Variants in GANAB observed in about 807,000 individuals in gnomAD.
GANAB encodes the protein neutral alpha-glucosidase AB.
GANAB carries 35 observed loss-of-function variants against 129.9 expected under a neutral mutation model. The observed-to-expected ratio is 0.27, with a 90% CI of 0.21 to 0.36. GANAB has a LOEUF of 0.36. GANAB is among the 10% of genes least tolerant of loss of function. The probability of loss-of-function intolerance (pLI) is 1.00; values close to 1 mark genes in which losing one functional copy is unlikely to be tolerated. For missense variants in GANAB, 939 were observed against 1,221.0 expected (o/e 0.77, Z 3.44); for synonymous variants, 482 against 451.8 (o/e 1.07, Z -0.85).
At chr11:62,634,693 A>C in intron 5 of GANAB, 128 bp downstream of exon 5, 1 of 778,552 alleles carries the variant, frequency 1.3e-6, no homozygotes, top group South Asian at 1.7e-5. Context: ...CCTCCCTGAC[A>C]GAGAGCTTCT....
chr11:62,639,765 C>T (rs1431929547), intron 1 of GANAB, 34 bp from the exon 2 acceptor site: 2 of 1,462,198 alleles, frequency 1.4e-6, no homozygotes, highest in Non-Finnish European at 1.9e-6. Flanking sequence ...GAGCAATCAG[C>T]ATGGAGGTCA....
chr11:62,643,015 G>A (rs546303767), intron 1 of GANAB, among the ~76,000 whole-genome samples: 47 of 152,242 alleles, frequency 3.1e-4, no homozygotes, highest in African/African-American at 1.1e-3. Flanking sequence ...ATCACTAGCA[G>A]GATGAAATGG....
rs1466017025 is a variant in GANAB, at chr11:62,633,270, G to A, written c.632C>T (p.Pro211Leu). Residue 211 changes from proline to leucine, a missense_variant and splice_region_variant, in exon 7 of 24, where the codon CCA becomes CTA. Transcript: ENST00000356638. Reference protein sequence around the residue: ...PEETPRDGDKPEETQGKAEKD... With the variant: ...PEETPRDGDKLEETQGKAEKD... ...CTCTGCCTTCCCCTGAGTCTCCTCTGGCTGTTAAGAAGAAAAGAGGACCAC... is the reference window on the plus strand; with the variant it reads ...CTCTGCCTTCCCCTGAGTCTCCTCTAGCTGTTAAGAAGAAAAGAGGACCAC... 3 of 1,612,158 alleles carry A rather than the reference G, an allele frequency of 1.9e-6. No individual in the cohort carries two copies. In the East Asian group the frequency reaches 6.7e-5, roughly 36 times the overall value.
At position 62,626,336 on chromosome 11, in the gene GANAB, T is replaced by A. The variant is rs1280119456; in HGVS notation, c.2623A>T (p.Ser875Cys). The A allele has an allele frequency of 6.3e-7, 1 of 1,598,230 alleles. No homozygotes were observed. Among genetic ancestry groups the A allele is most frequent in the East Asian group, 2.2e-5 (1 of 44,798 alleles). ...AAGGAAGAGTGGGTGACCCATTACC[T>A]GGAGACAAGGGTGTTGCCAGAGAAT... The part of the protein sequence containing the change: ...FSFSGNTLVS[S>C]SADPEGHFET... The change falls in exon 22 of 24, where the codon AGC (serine) becomes TGC (cysteine). Residue 875 changes from serine (S) to cysteine (C), a missense_variant and splice_region_variant. By Grantham distance (112) the Ser-to-Cys change is moderately radical. This residue lies in a region of GANAB where 230 missense variants were observed against 259.9 expected (regional missense o/e 0.89). Coordinates refer to ENST00000356638, the MANE Select transcript of GANAB (RefSeq NM_198334.3).
In GANAB at chr11:62,636,537, C is replaced by A. The variant is rs543187223; in HGVS notation, c.381-1537G>T. On this transcript the variant is annotated intron_variant, in intron 4 of 23. Coordinates refer to ENST00000356638, the MANE Select transcript of GANAB (RefSeq NM_198334.3). ...AGAAAATTAAAAAATATATTTTTGG[C>A]CAGGCATGGTGGCTCATTCCTGTAA... Among the ~76,000 whole-genome samples the A allele has an allele frequency of 8.6e-5, 13 of 151,458 alleles. No homozygotes were observed. In the South Asian group the frequency reaches 1.3e-3, roughly 15 times the overall value.
chr11:62,638,458 G>A (rs1456055139), intron 4 of GANAB, among the ~76,000 whole-genome samples: 4 of 151,988 alleles, frequency 2.6e-5, no homozygotes, highest in Non-Finnish European at 5.9e-5. Flanking sequence ...CGGCCACTAT[G>A]TTATTTTCTG....
chr11:62,625,719 G>C lies in GANAB; in HGVS notation c.*96C>G. ...ATCTGGGTCTTAGACTAGCATAAGT[G>C]AAGTCTGGGGAGGGCCGAACTCCAA... On this transcript the variant is annotated 3_prime_UTR_variant, in exon 24 of 24. Coordinates refer to ENST00000356638, the MANE Select transcript of GANAB (RefSeq NM_198334.3). 1.3e-6 allele frequency: 1 copy of C among 788,926 alleles called. No individual in the cohort carries two copies. Among genetic ancestry groups the C allele is most frequent in the Admixed American group, 2.0e-5 (1 of 50,054 alleles). 48.9% of individuals were successfully genotyped at this position (788,926 alleles called of 1,614,324 possible). A position where few individuals can be genotyped will look rare whatever the true frequency, so the allele number is the denominator to read the frequency against.
chr11:62,630,308 C>T (rs377090933), intron 12 of GANAB, 32 bp from the exon 13 acceptor site: 4 of 1,613,006 alleles, frequency 2.5e-6, no homozygotes, highest in East Asian at 4.5e-5. Context: ...TCTCAATCCC[C>T]TAAGGGGCAA....
chr11:62,626,945 CAA>C lies in GANAB; in HGVS notation c.2323-13_2323-12del, dbSNP rs1943412222. 3 of 1,606,846 alleles carry C rather than the reference CAA, an allele frequency of 1.9e-6. No individual in the cohort carries two copies. Among genetic ancestry groups the C allele is most frequent in the African/African-American group, 1.3e-5 (1 of 74,752 alleles). ...AATGTCATACCACACCTGTGAGTGA[CAA>C]AAGAGGTAAGATACCGGATCACTCA... On this transcript the variant is annotated splice_polypyrimidine_tract_variant and intron_variant, in intron 19 of 23. Coordinates refer to ENST00000356638, the MANE Select transcript of GANAB (RefSeq NM_198334.3).
Position 62,627,203 on chromosome 11 carries a change from C to A in GANAB, c.2246-79G>T, listed in dbSNP as rs923427983. On this transcript the variant is annotated intron_variant, in intron 18 of 23. Transcript: ENST00000356638. ...AACACCAAAGTGCCTGCCCTCTGCA[C>A]CACCAGCTTCACTAGTCCCTCCCTG... 4.9e-6 allele frequency: 7 copies of A among 1,420,944 alleles called. No individual in the cohort carries two copies. The East Asian group carries it at 6.8e-5, about 14-fold the overall frequency. 88.0% of individuals were successfully genotyped at this position (1,420,944 alleles called of 1,614,324 possible).
Position 62,625,637 on chromosome 11 carries a change from A to C in GANAB, c.*178T>G. On this transcript the variant is annotated 3_prime_UTR_variant, in exon 24 of 24. Transcript: ENST00000356638. ...ATGGAGTGGGAGAGGTGAGGAGATCACAAGAGGAATTTGGAGCCCAGGGTC... is the reference window on the plus strand; with the variant it reads ...ATGGAGTGGGAGAGGTGAGGAGATCCCAAGAGGAATTTGGAGCCCAGGGTC... 1 of 608,018 alleles carries C rather than the reference A, an allele frequency of 1.6e-6. No individual in the cohort carries two copies. Among genetic ancestry groups the C allele is most frequent in the Non-Finnish European group, 3.0e-6 (1 of 338,744 alleles). The allele number at this position is 608,018 out of a possible 1,614,324, so 37.7% of individuals were successfully genotyped here.
At chr11:62,627,888 T>C (rs1201805651) in intron 17 of GANAB, among the ~76,000 whole-genome samples, 1 of 152,256 alleles carries the variant, frequency 6.6e-6, no homozygotes, top group Non-Finnish European at 1.5e-5. Context: ...TGCCCTCTAC[T>C]GAAACCATGC....
chr11:62,631,192 G>A lies in GANAB; in HGVS notation c.997-9C>T, dbSNP rs201291409. On this transcript the variant is annotated splice_polypyrimidine_tract_variant and intron_variant, in intron 9 of 23. Transcript: ENST00000356638. Reference sequence around the variant, plus strand: ...ATCTTCCCAAACAGGGTCTGTATAGGTGACCACAAAGGGGTCAGACACCTC... The same window carrying A: ...ATCTTCCCAAACAGGGTCTGTATAGATGACCACAAAGGGGTCAGACACCTC... The A allele has an allele frequency of 6.4e-7, 1 of 1,564,058 alleles. No homozygotes were observed. The highest frequency in any genetic ancestry group is 1.8e-5 in the Admixed American group (1 of 55,098).
chr11:62,636,239 C>T (rs1196071161), intron 4 of GANAB, among the ~76,000 whole-genome samples: 1 of 152,042 alleles, frequency 6.6e-6, no homozygotes, highest in Admixed American at 6.6e-5. Flanking sequence ...GATCTGTCCG[C>T]CTTGGCCTCT....
chr11:62,630,168 C>G, intron 13 of GANAB, 29 bp downstream of exon 13: 1 of 1,534,050 alleles, frequency 6.5e-7, no homozygotes, highest in South Asian at 1.1e-5. Flanking sequence ...AACAGACAGA[C>G]GCAGGTCATG....
rs752910014 is a variant in GANAB at position 62,629,955 on chromosome 11, G to A, written c.1596C>T (p.Gly532=). 1 of 1,614,058 alleles carries A rather than the reference G, an allele frequency of 6.2e-7. No homozygotes were observed. The highest frequency in any genetic ancestry group is 1.7e-5 in the Admixed American group (1 of 60,020). Residue 532 remains glycine (G), a splice_region_variant and synonymous_variant, in exon 14 of 24, where the codon GGC becomes GGT. Transcript: ENST00000356638. ...TCCAGACAAAGAGGTTGGGAGCTGA[G>A]CCCTGGGAACGTGGGCAGAAAATGG... The part of the protein sequence containing the change: ...ANMFSYDNYE[G]SAPNLFVWND...
chr11:62,633,407 C>T, intron 6 of GANAB, 38 bp downstream of exon 6: 1 of 1,604,480 alleles, frequency 6.2e-7, no homozygotes, highest in South Asian at 1.1e-5. Flanking sequence ...CCCTCCCAGC[C>T]AGCCCTATCC....
At chr11:62,634,274 G>A in intron 5 of GANAB, 2 of 1,398,272 alleles carry the variant, frequency 1.4e-6, no homozygotes, top group Non-Finnish European at 2.0e-6. Flanking sequence ...GGTAAGGGCA[G>A]AGGAACAGAT....
In GANAB at chr11:62,626,087, T is replaced by A; in HGVS notation, c.2703A>T (p.Ala901=). ...CACCTTTTGTCTGGAGTACCACAGC[T>A]GCTGGCTTTCCAGCCCCTATTATCA... ...RVVIIGAGKP[A]AVVLQTKGSP... is the part of the protein sequence containing the mutation. The change falls in exon 23 of 24, where the codon GCA becomes GCT. Residue 901 remains alanine (A), a synonymous_variant. Transcript: ENST00000356638. 6.2e-7 allele frequency: 1 copy of A among 1,613,314 alleles called. No homozygotes were observed. Among genetic ancestry groups the A allele is most frequent in the African/African-American group, 1.3e-5 (1 of 75,056 alleles).
Sources: gnomAD v4.1 joint callset for allele counts (sites outside exome capture counted in the v4.1 genomes callset) on GRCh38, gnomAD v4.1.1 for gene constraint, gnomAD v4.1.1 regional missense constraint, MANE v1.5 for transcripts, NCBI Gene and HGNC (gene_info 2026-07-23, HGNC 2026-07-21) for gene names.